The following HDAC4 variants were observed in gnomAD, a reference collection of about 807,000 sequenced individuals.
HDAC4 encodes the protein histone deacetylase A.
Under a neutral mutation model 135.1 loss-of-function variants are expected in HDAC4, and 16 were observed. That is an observed-to-expected ratio of 0.12 (90% CI 0.08 to 0.18). HDAC4 has a LOEUF of 0.18. Among genes scored for constraint, HDAC4 ranks in the 10% least tolerant of loss-of-function variants. HDAC4 has a pLI of 1.00. For synonymous variants in HDAC4, 685 were observed against 653.4 expected (o/e 1.05, Z -0.74); for missense variants, 1,143 against 1,511.8 (o/e 0.76, Z 4.05).
At chr2:239,140,729 T>TG in intron 8 of HDAC4, 1 of 277,962 alleles carries the variant, frequency 3.6e-6, no homozygotes, top group South Asian at 2.9e-5. Flanking sequence ...AGGGACATGG[T>TG]GGGGGCCCTG....
At chr2:239,260,333 T>C (rs144125368) in intron 2 of HDAC4, among the ~76,000 whole-genome samples, 1 of 152,330 alleles carries the variant, frequency 6.6e-6, no homozygotes, top group Non-Finnish European at 1.5e-5. Flanking sequence ...TGTCAGATCT[T>C]AGGCAAGTTT....
chr2:239,060,930 G>A (rs2032600247), intron 24 of HDAC4, among the ~76,000 whole-genome samples: 1 of 152,246 alleles, frequency 6.6e-6, no homozygotes, highest in Non-Finnish European at 1.5e-5. Flanking sequence ...GGCCCAGAGG[G>A]ACGGCCCCGC....
At chr2:239,356,055 GA>G (rs1467265691) in intron 1 of HDAC4, among the ~76,000 whole-genome samples, 30 of 152,124 alleles carry the variant, frequency 2.0e-4, no homozygotes, top group Non-Finnish European at 4.4e-5. Context: ...TTAGAAAAAA[GA>G]AAAGTTGCAG....
At chr2:239,072,542 G>A (rs1020255341) in intron 22 of HDAC4, among the ~76,000 whole-genome samples, 4 of 152,176 alleles carry the variant, frequency 2.6e-5, no homozygotes, top group African/African-American at 9.6e-5. Context: ...TGGGCCAAGT[G>A]CATCACCCGA....
At chr2:239,072,945 A>G (rs2034346800) in intron 22 of HDAC4, among the ~76,000 whole-genome samples, 1 of 152,194 alleles carries the variant, frequency 6.6e-6, no homozygotes, top group Non-Finnish European at 1.5e-5. Flanking sequence ...GAGTCCCATC[A>G]GGGACGCTGA....
intron 20 of HDAC4, 140 bp from the exon 21 acceptor site, chr2:239,082,361 T>G: frequency 8.8e-7 from 1 of 1,142,630 alleles, no homozygotes; most frequent in Non-Finnish European, 1.3e-6. Context: ...GCTGGGCCCG[T>G]ACCCGGCAGG....
chr2:239,256,824 G>C (rs2049076472), intron 2 of HDAC4, among the ~76,000 whole-genome samples: 1 of 152,212 alleles, frequency 6.6e-6, no homozygotes, highest in Non-Finnish European at 1.5e-5. Flanking sequence ...ACCCAAGCAA[G>C]AGTACCTGGA....
intron 3 of HDAC4, among the ~76,000 whole-genome samples, chr2:239,197,006 T>A (rs77776974): frequency 0.018 from 2,781 of 152,176 alleles, 68 homozygotes; most frequent in East Asian, 0.12. Context: ...CCTGGACGGG[T>A]CCAACTCCTC....
At chr2:239,192,764 C>CG (rs2045084778) in intron 3 of HDAC4, among the ~76,000 whole-genome samples, 4 of 152,166 alleles carry the variant, frequency 2.6e-5, no homozygotes, top group Admixed American at 6.5e-5. Context: ...CTCAGGTGAG[C>CG]GGGCCCGTGC....
intron 5 of HDAC4, among the ~76,000 whole-genome samples, chr2:239,165,428 T>C (rs1440068304): frequency 6.6e-6 from 1 of 152,158 alleles, no homozygotes; most frequent in Non-Finnish European, 1.5e-5. Flanking sequence ...ATTCATGTCC[T>C]TGGCTTATGT....
Position 239,262,720 on chromosome 2 carries a change from G to A in HDAC4, c.23-26056C>T, listed in dbSNP as rs554166830. 6.0e-4 allele frequency among the ~76,000 whole-genome samples: 92 copies of A among 152,292 alleles called. 2 individuals carry two copies. In the South Asian group the frequency reaches 0.018, roughly 31 times the overall value. Reference sequence around the variant, plus strand: ...CCCAAGGGTGCACACGGCTGAAGGCGCAACGGGCACAGGGCATTCTGTGGG... The same window carrying A: ...CCCAAGGGTGCACACGGCTGAAGGCACAACGGGCACAGGGCATTCTGTGGG... On this transcript the variant is annotated intron_variant, in intron 2 of 26. Transcript: ENST00000543185. This position sits in a 1 kb window ranked among gnomAD's most constrained non-coding sequence, Gnocchi z 4.1.
intron 12 of HDAC4, among the ~76,000 whole-genome samples, chr2:239,117,160 T>C (rs1210505242): frequency 1.3e-5 from 2 of 152,004 alleles, no homozygotes; most frequent in African/African-American, 4.8e-5. Context: ...CTGGGAGCTG[T>C]GGGAAGCCAG....
intron 1 of HDAC4, among the ~76,000 whole-genome samples, chr2:239,396,936 G>A (rs574685026): frequency 7.3e-5 from 11 of 151,534 alleles, no homozygotes; most frequent in African/African-American, 2.2e-4. Context: ...GCCTCCAGGC[G>A]TCCTGGGGAC....
At chr2:239,136,990 A>G (rs2041007038) in intron 9 of HDAC4, among the ~76,000 whole-genome samples, 1 of 152,128 alleles carries the variant, frequency 6.6e-6, no homozygotes, top group South Asian at 2.1e-4. Context: ...TTTTTTGTCA[A>G]AAGTTAAAGA....
At chr2:239,177,010 C>A (rs1396319771) in intron 4 of HDAC4, among the ~76,000 whole-genome samples, 1 of 152,008 alleles carries the variant, frequency 6.6e-6, no homozygotes, top group Non-Finnish European at 1.5e-5. Context: ...GGAAGCACAC[C>A]CACAAAAAGC....
chr2:239,054,750 G>A lies in HDAC4; in HGVS notation c.3087C>T (p.His1029=). The A allele has an allele frequency of 1.2e-6, 2 of 1,608,594 alleles. No individual in the cohort carries two copies. The change falls in exon 25 of 27, where the codon CAC becomes CAT. Residue 1029 remains histidine (H), a splice_region_variant and synonymous_variant. Coordinates refer to ENST00000543185, the MANE Select transcript of HDAC4 (RefSeq NM_001378414.1). ...VRSMEKVMEI[H]SKYWRCLQRT... is the part of the protein sequence containing the mutation. Reference sequence around the variant, plus strand: ...TGAGCACCCAGCCAGGCAACTTACTGTGGATCTCCATGACTTTCTCCATGG... The same window carrying A: ...TGAGCACCCAGCCAGGCAACTTACTATGGATCTCCATGACTTTCTCCATGG...
Position 239,120,015 on chromosome 2 carries a change from A to G in HDAC4, c.1534-4705T>C, listed in dbSNP as rs184209349. On this transcript the variant is annotated intron_variant, in intron 12 of 26. Coordinates refer to ENST00000543185, the MANE Select transcript of HDAC4 (RefSeq NM_001378414.1). ...GGGACCACCCGTGGACAGGAGAGTG[A>G]GCAGGAGGCACCAGGACTCCTGGCC... Among the ~76,000 whole-genome samples, 915 of 120,980 alleles carry G rather than the reference A, an allele frequency of 7.6e-3. 9 individuals are homozygous for G. The highest frequency in any genetic ancestry group is 0.014 in the Admixed American group (152 of 11,132). 79.4% of individuals were successfully genotyped at this position (120,980 alleles called of 152,430 possible).
chr2:239,325,777 C>T lies in HDAC4; in HGVS notation c.22+26901G>A, dbSNP rs1171239805. 2.0e-5 allele frequency among the ~76,000 whole-genome samples: 3 copies of T among 151,980 alleles called. No homozygotes were observed. The East Asian group carries it at 5.8e-4, about 29-fold the overall frequency. On this transcript the variant is annotated intron_variant, in intron 2 of 26. Transcript: ENST00000543185. ...GTCAGGAGTTCGAGACCAGCCTGGT[C>T]AACATGGCAAAACCCCATCTCTACT...
intron 4 of HDAC4, among the ~76,000 whole-genome samples, chr2:239,181,639 G>C (rs1215501925): frequency 6.6e-6 from 1 of 152,232 alleles, no homozygotes; most frequent in Non-Finnish European, 1.5e-5. Context: ...ACTCACAGGC[G>C]GCCCATAGCA....
Sources: gnomAD v4.1 joint callset for allele counts (sites outside exome capture counted in the v4.1 genomes callset) on GRCh38, gnomAD v4.1.1 for gene constraint, Gnocchi (gnomAD v3.1) non-coding constraint, MANE v1.5 for transcripts, NCBI Gene and HGNC (gene_info 2026-07-23, HGNC 2026-07-21) for gene names.